The following KMT2C variants were observed in gnomAD, a reference collection of about 807,000 sequenced individuals.
KMT2C encodes the protein histone-lysine N-methyltransferase 2C.
KMT2C carries 88 observed loss-of-function variants against 507.9 expected under a neutral mutation model. The ratio of observed to expected loss-of-function variants is 0.17; its 90% confidence interval spans 0.15 to 0.21. The LOEUF (loss-of-function observed/expected upper bound fraction) is 0.21. Among genes scored for constraint, KMT2C ranks in the 10% least tolerant of loss-of-function variants. The probability of loss-of-function intolerance (pLI) is 1.00; values close to 1 mark genes in which losing one functional copy is unlikely to be tolerated. For missense variants in KMT2C, 4,954 were observed against 5,957.8 expected, an observed-to-expected ratio of 0.83 and a Z score of 5.55; for synonymous variants, 2,049 against 2,080.8, an observed-to-expected ratio of 0.98 and a Z score of 0.42.
chr7:152,397,259 G>C (rs1429004469), intron 1 of KMT2C, among the ~76,000 whole-genome samples: 2 of 151,102 alleles, frequency 1.3e-5, no homozygotes, highest in African/African-American at 4.9e-5. Flanking sequence ...GCAGGGGCTT[G>C]ATGTCAGCTC....
rs2129118234 is a variant in KMT2C, at chr7:152,180,046, G to A, written c.7230C>T (p.Asp2410=). ...IAGRQEKGSQ[D]SPAVPHPGPL... Reference sequence around the variant, plus strand: ...GCCCTGGATGAGGCACTGCGGGTGAGTCCTGTGACCCCTTCTCCTGTCGAC... The same window carrying A: ...GCCCTGGATGAGGCACTGCGGGTGAATCCTGTGACCCCTTCTCCTGTCGAC... Residue 2410 remains aspartate (D), a synonymous_variant, in exon 37 of 59, where the codon GAC becomes GAT. Transcript: ENST00000262189. 1 of 1,614,138 alleles carries A rather than the reference G, an allele frequency of 6.2e-7. No individual in the cohort carries two copies. The highest frequency in any genetic ancestry group is 8.5e-7 in the Non-Finnish European group (1 of 1,180,008).
intron 1 of KMT2C, among the ~76,000 whole-genome samples, chr7:152,417,728 G>A (rs1289973644): frequency 6.6e-6 from 1 of 151,782 alleles, no homozygotes; most frequent in Non-Finnish European, 1.5e-5. Context: ...TGCAAGCTCC[G>A]CCTCCTGGGT....
rs1588009366 is a variant in KMT2C, at chr7:152,182,563, T to C, written c.5297A>G (p.Lys1766Arg). 1 of 1,592,762 alleles carries C rather than the reference T, an allele frequency of 6.3e-7. No homozygotes were observed. Among genetic ancestry groups the C allele is most frequent in the South Asian group, 1.1e-5 (1 of 87,878 alleles). Residue 1766 changes from lysine to arginine, a missense_variant, in exon 36 of 59, where the codon AAA becomes AGA. Transcript: ENST00000262189. ...QMRQKSKQQA[K>R]IEATQKLEQV... ...TTCAAGTTTCTGTGTGGCTTCAATTTTAGCTTGCTGCTTACTTTTCTGACG... is the reference window on the plus strand; with the variant it reads ...TTCAAGTTTCTGTGTGGCTTCAATTCTAGCTTGCTGCTTACTTTTCTGACG...
intron 42 of KMT2C, among the ~76,000 whole-genome samples, chr7:152,166,082 A>C (rs759661727): frequency 5.9e-5 from 9 of 152,154 alleles, no homozygotes; most frequent in Non-Finnish European, 8.8e-5. Context: ...AGACAACGTA[A>C]ATGGAAGTGC....
chr7:152,223,642 A>G (rs2094842279), intron 20 of KMT2C, among the ~76,000 whole-genome samples: 1 of 151,946 alleles, frequency 6.6e-6, no homozygotes, highest in African/African-American at 2.4e-5. Flanking sequence ...AAAAATACAA[A>G]AATTAGCTGG....
chr7:152,154,575 A>C lies in KMT2C; in HGVS notation c.11961-130T>G, dbSNP rs116672873. The C allele has an allele frequency of 2.7e-3, 1,843 of 687,704 alleles. 28 individuals are homozygous for C. The African/African-American group carries it at 0.03, about 11-fold the overall frequency. 42.6% of individuals were successfully genotyped at this position (687,704 alleles called of 1,614,324 possible). Reference sequence around the variant, plus strand: ...GGCAGCACCTATACGATGAGCAGCAAATGAATCAGCTCAGAGCCACACTGG... The same window carrying C: ...GGCAGCACCTATACGATGAGCAGCACATGAATCAGCTCAGAGCCACACTGG... On this transcript the variant is annotated intron_variant, in intron 46 of 58. Coordinates refer to ENST00000262189, the MANE Select transcript of KMT2C (RefSeq NM_170606.3).
chr7:152,179,111 C>A (rs1029149488), intron 37 of KMT2C, among the ~76,000 whole-genome samples: 3 of 152,202 alleles, frequency 2.0e-5, no homozygotes, highest in Admixed American at 2.0e-4. Flanking sequence ...TTGTCTCAGC[C>A]TCCTGAGTAG....
At chr7:152,174,447 A>G (rs1258179554) in intron 38 of KMT2C, among the ~76,000 whole-genome samples, 1 of 152,240 alleles carries the variant, frequency 6.6e-6, no homozygotes, top group Non-Finnish European at 1.5e-5. Context: ...CAGGAATTAA[A>G]ACAAAAAGTC....
At chr7:152,222,251 T>A (rs897973785) in intron 21 of KMT2C, among the ~76,000 whole-genome samples, 185 bp from the exon 22 acceptor site, 2 of 152,168 alleles carry the variant, frequency 1.3e-5, no homozygotes, top group Admixed American at 1.3e-4. Context: ...AATACTCAAG[T>A]CATGGAGGAA....
intron 16 of KMT2C, among the ~76,000 whole-genome samples, chr7:152,233,826 T>G (rs1270777840): frequency 1.3e-5 from 2 of 152,142 alleles, no homozygotes; most frequent in African/African-American, 2.4e-5. Flanking sequence ...AGGTACCTAT[T>G]AAAGAAATAA....
At chr7:152,377,215 A>G (rs1245556147) in intron 1 of KMT2C, among the ~76,000 whole-genome samples, 1 of 152,310 alleles carries the variant, frequency 6.6e-6, no homozygotes, top group African/African-American at 2.4e-5. Context: ...ATCTGTTTAG[A>G]GGTTGGCTTA....
In KMT2C at chr7:152,146,734, A is replaced by G; in HGVS notation, c.13896T>C (p.Gly4632=). Residue 4632 remains glycine, a splice_region_variant and synonymous_variant, in exon 53 of 59, where the codon GGT becomes GGC. Transcript: ENST00000262189. ...DLVLSDISPK[G]VWDKILEPVA... is the part of the protein sequence containing the mutation. ...CAGGCTCCAAAATCTTATCCCAGAC[A>G]CCTACACAGGGACAAAAACATAATT... 6.2e-7 allele frequency: 1 copy of G among 1,613,652 alleles called. No individual in the cohort carries two copies. Among genetic ancestry groups the G allele is most frequent in the Non-Finnish European group, 8.5e-7 (1 of 1,179,730 alleles).
chr7:152,233,472 T>A (rs886124329), intron 16 of KMT2C, among the ~76,000 whole-genome samples: 19 of 151,574 alleles, frequency 1.3e-4, no homozygotes, highest in Non-Finnish European at 2.2e-4. Flanking sequence ...GAAGATCAAA[T>A]TAAACTCAAA....
chr7:152,342,663 G>A (rs1321263188), intron 2 of KMT2C, among the ~76,000 whole-genome samples: 4 of 152,154 alleles, frequency 2.6e-5, no homozygotes, highest in Non-Finnish European at 4.4e-5. Flanking sequence ...CAGTGTGGAC[G>A]AGTCTGGAAG....
At chr7:152,393,385 T>C (rs1458184453) in intron 1 of KMT2C, among the ~76,000 whole-genome samples, 2 of 152,166 alleles carry the variant, frequency 1.3e-5, no homozygotes, top group African/African-American at 4.8e-5. Context: ...ACTTACTTTC[T>C]TAGCATGCAA....
chr7:152,332,851 A>AACACACACACACACACACACACACACAC (rs35781658), intron 2 of KMT2C, among the ~76,000 whole-genome samples: 1 of 138,520 alleles, frequency 7.2e-6, no homozygotes, highest in East Asian at 2.2e-4. Flanking sequence ...TGCGTCTCAA[A>AACACACACACACACACACACACACACAC]ACACACACAC....
chr7:152,297,886 CAG>C (rs1290125482), intron 6 of KMT2C, among the ~76,000 whole-genome samples: 2 of 152,014 alleles, frequency 1.3e-5, no homozygotes, highest in Non-Finnish European at 2.9e-5. Context: ...TTAAAATTAG[CAG>C]AGGAGGACAT....
intron 2 of KMT2C, among the ~76,000 whole-genome samples, chr7:152,357,164 T>C (rs1354500710): frequency 3.4e-5 from 5 of 148,716 alleles, no homozygotes; most frequent in Non-Finnish European, 6.0e-5. Flanking sequence ...CGGGTGGAGG[T>C]TGCAGTGAGC....
chr7:152,268,333 T>G (rs749290085), intron 7 of KMT2C, among the ~76,000 whole-genome samples: 1 of 152,070 alleles, frequency 6.6e-6, no homozygotes, highest in Non-Finnish European at 1.5e-5. Context: ...CCCAAATACC[T>G]TTAGTTGTTG....
Sources: allele counts gnomAD v4.1 joint callset (sites outside exome capture counted in the v4.1 genomes callset), GRCh38; gene constraint gnomAD v4.1.1; transcripts MANE v1.5; gene names NCBI Gene and HGNC (gene_info 2026-07-23, HGNC 2026-07-21).